Variants in ADGRG1 observed in about 807,000 individuals in gnomAD.
The protein encoded by ADGRG1 is adhesion G protein-coupled receptor G1, also known as 7-transmembrane protein with no EGF-like N-terminal domains-1.
ADGRG1 carries 53 observed loss-of-function variants against 73.5 expected under a neutral mutation model. That is an observed-to-expected ratio of 0.72 (90% CI 0.58 to 0.91). The LOEUF is 0.91. ADGRG1 is among the 40% of genes least tolerant of loss of function. ADGRG1 has a pLI of 0.00. For synonymous variants in ADGRG1, 394 were observed against 374.4 expected (o/e 1.05, Z -0.60); for missense variants, 795 against 871.8 (o/e 0.91, Z 1.11).
At chr16:57,628,298 C>T (rs2098134487), upstream of ADGRG1, 1 of 609,548 alleles carries the variant, frequency 1.6e-6, no homozygotes, top group Non-Finnish European at 2.1e-6. Flanking sequence ...CCCGGCCTCT[C>T]TGTGGGAACT....
Position 57,637,320 on chromosome 16 carries a change from A to T in ADGRG1, c.-36+8518A>T, listed in dbSNP as rs1038604737. 3.0e-6 allele frequency: 3 copies of T among 985,162 alleles called. No individual in the cohort carries two copies. In the Admixed American group the frequency reaches 1.8e-4, roughly 61 times the overall value. The allele number at this position is 985,162 out of a possible 1,614,324, so 61.0% of individuals were successfully genotyped here. A position where few individuals can be genotyped will look rare whatever the true frequency, so the allele number is the denominator to read the frequency against. On this transcript the variant is annotated intron_variant, in intron 1 of 13. Transcript: ENST00000562631. The stretch of plus-strand genomic sequence containing the variant: ...TTTTGGCTCTGGGCAGCAATGAGCT[A>T]TTGCAGTTATTTTTATTATTACTAT...
At position 57,661,697 on chromosome 16, in the gene ADGRG1, G is replaced by T. The variant is rs370457958; in HGVS notation, c.1665G>T (p.Met555Ile). Residue 555 changes from methionine to isoleucine, a missense_variant and splice_region_variant, in exon 13 of 14, where the codon ATG becomes ATT. Transcript: ENST00000562631. ...RTPEGVIYPS[M>I]CWIRDSLVSY... ...TGAGCCCTCCTGCCTTTGCCCGCAG[G>T]TGCTGGATCCGGGACTCCCTGGTCA... is the stretch of plus-strand genomic sequence containing the variant. The T allele has an allele frequency of 2.5e-6, 4 of 1,613,354 alleles. No individual in the cohort carries two copies. The highest frequency in any genetic ancestry group is 2.7e-5 in the African/African-American group (2 of 75,044).
At position 57,628,682 on chromosome 16, in the gene ADGRG1, C is replaced by A; in HGVS notation, c.-156C>A. The A allele has an allele frequency of 1.0e-6, 1 of 985,558 alleles. No individual in the cohort carries two copies. Among genetic ancestry groups the A allele is most frequent in the Non-Finnish European group, 1.2e-6 (1 of 829,994 alleles). 61.1% of individuals were successfully genotyped at this position (985,558 alleles called of 1,614,324 possible). ...TAGGAGATGGGCTGGGAGCCTCCCA[C>A]GCTCTCCAGCTCACTCGGCAGGCAG... On this transcript the variant is annotated 5_prime_UTR_variant, in exon 1 of 14. Transcript: ENST00000562631.
Position 57,653,258 on chromosome 16 carries a change from G to T in ADGRG1, c.543G>T (p.Arg181Ser). 1 of 1,612,858 alleles carries T rather than the reference G, an allele frequency of 6.2e-7. No homozygotes were observed. ...NASVDMCELKRDLQLLSQFLK... is the reference protein window; with the variant it reads ...NASVDMCELKSDLQLLSQFLK... The stretch of plus-strand genomic sequence containing the variant: ...CGGTGGACATGTGCGAGCTCAAAAG[G>T]GACCTCCAGCTGCTCAGCCAGTTCC... Residue 181 changes from arginine (R) to serine (S), a missense_variant, in exon 4 of 14, where the codon AGG (arginine) becomes AGT (serine). Coordinates refer to ENST00000562631, the MANE Select transcript of ADGRG1 (RefSeq NM_201525.4).
chr16:57,658,183 G>A (rs920958560), intron 10 of ADGRG1, among the ~76,000 whole-genome samples: 1 of 152,194 alleles, frequency 6.6e-6, no homozygotes, highest in African/African-American at 2.4e-5. Flanking sequence ...TGAGAGCACT[G>A]GGTGGACACA....
chr16:57,654,527 C>T (rs1266240522), intron 5 of ADGRG1, among the ~76,000 whole-genome samples: 3 of 151,102 alleles, frequency 2.0e-5, no homozygotes, highest in Non-Finnish European at 4.4e-5. Context: ...AAGCGATTCT[C>T]CCACTTCAGC....
intron 1 of ADGRG1, chr16:57,637,276 A>G: frequency 3.1e-6 from 3 of 982,154 alleles, no homozygotes; most frequent in African/African-American, 1.7e-5. Flanking sequence ...GTAGGTGTGA[A>G]GTAAGACAGT....
Position 57,656,276 on chromosome 16 carries a change from G to A in ADGRG1, c.1063+5G>A. 6.2e-7 allele frequency: 1 copy of A among 1,611,370 alleles called. No homozygotes were observed. ...TCTGGGTTGAAGACCCCACATGTGA[G>A]TATGCAGGGGTCTCTGGGCTGGACA... On this transcript the variant is annotated splice_donor_5th_base_variant and intron_variant, in intron 8 of 13. Transcript: ENST00000562631.
intron 1 of ADGRG1, chr16:57,633,507 G>T: frequency 1.0e-6 from 1 of 985,422 alleles, no homozygotes; most frequent in Non-Finnish European, 1.2e-6. Flanking sequence ...CCTCAGCCAG[G>T]CTGCCCCCTA....
At chr16:57,649,449 A>C (rs2043478657) in intron 1 of ADGRG1, among the ~76,000 whole-genome samples, 1 of 152,016 alleles carries the variant, frequency 6.6e-6, no homozygotes, top group African/African-American at 2.4e-5. Flanking sequence ...GAACCAAAGG[A>C]GGCTGGGACT....
At chr16:57,654,256 G>C (rs1567773706) in intron 5 of ADGRG1, 123 bp downstream of exon 5, 1 of 982,504 alleles carries the variant, frequency 1.0e-6, no homozygotes, top group Non-Finnish European at 1.5e-6. Flanking sequence ...CTCCCGAGAA[G>C]GTTCCAGGCC....
intron 1 of ADGRG1, chr16:57,647,431 G>A (rs2042964945): frequency 2.0e-6 from 2 of 985,192 alleles, no homozygotes; most frequent in South Asian, 4.7e-5. Flanking sequence ...GCAGGCATGA[G>A]CTGTTTAGAA....
At chr16:57,648,151 G>C (rs1440819414) in intron 1 of ADGRG1, among the ~76,000 whole-genome samples, 2 of 152,124 alleles carry the variant, frequency 1.3e-5, no homozygotes, top group African/African-American at 4.8e-5. Context: ...AGTGGTGGTA[G>C]CAGTGAGGGG....
At chr16:57,622,644 G>A (rs1258979732) in intron 2 of ADGRG1, 1 of 362,542 alleles carries the variant, frequency 2.8e-6, no homozygotes, top group Admixed American at 6.5e-5. Context: ...CTGGGCTCAG[G>A]GGCTTCTGAA....
chr16:57,629,112 A>C, intron 1 of ADGRG1: 1 of 918,590 alleles, frequency 1.1e-6, no homozygotes, highest in Non-Finnish European at 1.3e-6. Context: ...GGATGTGTGC[A>C]TCCGTGCACG....
intron 1 of ADGRG1, chr16:57,632,359 C>T (rs1452265247): frequency 8.2e-6 from 8 of 970,438 alleles, no homozygotes; most frequent in Non-Finnish European, 9.8e-6. Context: ...GAACATGGGC[C>T]TGTGCCTCGG....
Position 57,656,558 on chromosome 16 carries a change from A to C in ADGRG1, c.1108A>C (p.Arg370=). The change falls in exon 9 of 14, where the codon AGG becomes CGG. Residue 370 remains arginine, a synonymous_variant. Coordinates refer to ENST00000562631, the MANE Select transcript of ADGRG1 (RefSeq NM_201525.4). The stretch of plus-strand genomic sequence containing the variant: ...GAGCAGTGCTGGGTGTGAGACCGTC[A>C]GGAGAGAAACCCAAACATCCTGCTT... ...HWSSAGCETV[R]RETQTSCFCN... is the part of the protein sequence containing the mutation. 1 of 1,613,996 alleles carries C rather than the reference A, an allele frequency of 6.2e-7. No individual in the cohort carries two copies. The highest frequency in any genetic ancestry group is 1.1e-5 in the South Asian group (1 of 91,074).
At chr16:57,651,998 TC>T (rs1419904530) in intron 3 of ADGRG1, 1 of 1,212,358 alleles carries the variant, frequency 8.2e-7, no homozygotes, top group Admixed American at 3.7e-5. Flanking sequence ...GAAGAATTCT[TC>T]CTCAGCATCA....
intron 1 of ADGRG1, chr16:57,632,444 G>T (rs6499904): frequency 0.25 from 131,930 of 536,600 alleles, 17,376 homozygotes; most frequent in African/African-American, 0.39. Context: ...AGAGTTGATA[G>T]AGGAAAGCAT....
Sources: allele counts gnomAD v4.1 joint callset (sites outside exome capture counted in the v4.1 genomes callset), GRCh38; gene constraint gnomAD v4.1.1; transcripts MANE v1.5; gene names NCBI Gene and HGNC (gene_info 2026-07-23, HGNC 2026-07-21).